Variants in IK observed in about 807,000 individuals in gnomAD.
IK encodes IK cytokine.
IK carries 47 observed loss-of-function variants against 90.9 expected under a neutral mutation model. The ratio of observed to expected loss-of-function variants is 0.52; its 90% CI spans 0.41 to 0.66. The LOEUF (loss-of-function observed/expected upper bound fraction) is 0.66, where lower values mean the gene tolerates loss of function less well. Ranked by LOEUF, IK falls within the 30% of genes least tolerant of loss-of-function variation. The pLI is 0.00. For synonymous variants in IK, 201 were observed against 227.5 expected (o/e 0.88, Z 1.05); for missense variants, 385 against 709.3 (o/e 0.54, Z 5.19).
intron 1 of IK, 127 bp from the exon 2 acceptor site, chr5:140,648,344 T>C (rs1240913973): frequency 1.2e-5 from 10 of 860,244 alleles, no homozygotes; most frequent in South Asian, 4.0e-5. Flanking sequence ...TCAGCACTTA[T>C]TACATTGTGT....
Position 140,658,936 on chromosome 5 carries a change from C to T in IK, c.951-3C>T, listed in dbSNP as rs767474353. On this transcript the variant is annotated splice_polypyrimidine_tract_variant and splice_region_variant and intron_variant, in intron 11 of 19. Coordinates refer to ENST00000417647, the MANE Select transcript of IK (RefSeq NM_006083.4). ...GGCCAGCTAGTGATCTCCATTTTCCCAGTATTTTTGAAGACATTGGGGATT... is the reference window on the plus strand; with the variant it reads ...GGCCAGCTAGTGATCTCCATTTTCCTAGTATTTTTGAAGACATTGGGGATT... The T allele has an allele frequency of 6.2e-7, 1 of 1,613,720 alleles. No individual in the cohort carries two copies. The highest frequency in any genetic ancestry group is 8.5e-7 in the Non-Finnish European group (1 of 1,179,768).
chr5:140,656,122 G>A (rs1757705120), intron 9 of IK, 130 bp downstream of exon 9: 1 of 771,632 alleles, frequency 1.3e-6, no homozygotes, highest in African/African-American at 1.8e-5. Flanking sequence ...AATCTCAACT[G>A]AATCCATTCA....
intron 2 of IK, 109 bp from the exon 3 acceptor site, chr5:140,651,605 T>C: frequency 1.5e-6 from 1 of 646,038 alleles, no homozygotes; most frequent in Non-Finnish European, 2.7e-6. Context: ...CATATCTTTG[T>C]TTTAATTTGT....
Position 140,655,993 on chromosome 5 carries a change from G to A in IK, c.801+1G>A. ...CAAGGCTGATTGCCCCACCATGGAG[G>A]TGAGTGAATGGAATCCTGAGAGCCT... On this transcript the variant is annotated splice_donor_variant, in intron 9 of 19. Coordinates refer to ENST00000417647, the MANE Select transcript of IK (RefSeq NM_006083.4). LOFTEE classifies it high-confidence loss of function. The A allele has an allele frequency of 1.3e-6, 2 of 1,551,886 alleles. No individual in the cohort carries two copies. The highest frequency in any genetic ancestry group is 1.7e-6 in the Non-Finnish European group (2 of 1,147,064).
chr5:140,651,625 A>G, intron 2 of IK, 89 bp from the exon 3 acceptor site: 3 of 697,588 alleles, frequency 4.3e-6, no homozygotes, highest in South Asian at 3.5e-5. Flanking sequence ...TATTTCCCTG[A>G]TTTCTGTTAA....
At chr5:140,651,567 C>T (rs1159173472) in intron 2 of IK, 147 bp from the exon 3 acceptor site, 5 of 547,996 alleles carry the variant, frequency 9.1e-6, no homozygotes, top group Admixed American at 3.3e-5. Context: ...GACAGTGAGA[C>T]TCCGTCTCAA....
chr5:140,648,699 A>G (rs1467272174), intron 2 of IK, among the ~76,000 whole-genome samples, 162 bp downstream of exon 2: 2 of 151,934 alleles, frequency 1.3e-5, no homozygotes, highest in African/African-American at 4.8e-5. Context: ...GGCCAAGTGC[A>G]TAAGGGTATT....
At chr5:140,651,570 C>T (rs1041953675) in intron 2 of IK, 144 bp from the exon 3 acceptor site, 14 of 557,928 alleles carry the variant, frequency 2.5e-5, no homozygotes, top group East Asian at 6.4e-5. Flanking sequence ...AGTGAGACTC[C>T]GTCTCAAAAA....
intron 2 of IK, chr5:140,648,741 G>GTTT: frequency 1.2e-3 from 559 of 464,974 alleles, no homozygotes; most frequent in South Asian, 1.9e-3. Context: ...AAGGTGTTAA[G>GTTT]TTTTTTTTTT....
rs1757758517 is a variant in IK at position 140,659,065 on chromosome 5, G to A, written c.1077G>A (p.Glu359=). The A allele has an allele frequency of 6.2e-7, 1 of 1,611,828 alleles. No individual in the cohort carries two copies. The highest frequency in any genetic ancestry group is 1.1e-5 in the South Asian group (1 of 91,044). ...ERDRDRDRER[E]RERDRERERE... ...ACAGAGACCGTGACCGAGAGCGAGA[G>A]CGAGAACGAGATCGGGAACGAGAGC... The change falls in exon 12 of 20, where the codon GAG becomes GAA. Residue 359 remains glutamate, a synonymous_variant. Coordinates refer to ENST00000417647, the MANE Select transcript of IK (RefSeq NM_006083.4).
At position 140,652,969 on chromosome 5, in the gene IK, G is replaced by T. The variant is rs1194134077; in HGVS notation, c.237-8G>T. 6.2e-7 allele frequency: 1 copy of T among 1,612,532 alleles called. No individual in the cohort carries two copies. The highest frequency in any genetic ancestry group is 8.5e-7 in the Non-Finnish European group (1 of 1,179,688). ...GAGCCTTATACATTTGCCTTTCTCT[G>T]GTCACAGTTATTATGCCAAGCTACG... On this transcript the variant is annotated splice_polypyrimidine_tract_variant and splice_region_variant and intron_variant, in intron 4 of 19. Coordinates refer to ENST00000417647, the MANE Select transcript of IK (RefSeq NM_006083.4).
At position 140,662,309 on chromosome 5, in the gene IK, G is replaced by T; in HGVS notation, c.1654G>T (p.Val552Phe). 6.2e-7 allele frequency: 1 copy of T among 1,614,024 alleles called. No homozygotes were observed. Among genetic ancestry groups the T allele is most frequent in the East Asian group, 2.2e-5 (1 of 44,886 alleles). ...RKKMEADGVEVKRPKY is the reference protein window; with the variant it reads ...RKKMEADGVEFKRPKY ...TTTCTCCTTCCATTGCAGGGTTGAA[G>T]TCAAAAGACCAAAATACTAATCACT... Residue 552 changes from valine to phenylalanine, a missense_variant, in exon 20 of 20, where the codon GTC becomes TTC. This residue lies in a region of IK where 29 missense variants were observed against 41.8 expected (regional missense o/e 0.69). Coordinates refer to ENST00000417647, the MANE Select transcript of IK (RefSeq NM_006083.4).
chr5:140,654,617 T>A (rs138578964), intron 7 of IK, 31 bp downstream of exon 7: 7 of 1,585,138 alleles, frequency 4.4e-6, no homozygotes, highest in Non-Finnish European at 6.0e-6. Flanking sequence ...GGTTGAGAAT[T>A]TAGAAAGGTG....
At chr5:140,654,862 T>A in intron 8 of IK, 135 bp downstream of exon 8, 3 of 685,538 alleles carry the variant, frequency 4.4e-6, no homozygotes, top group Non-Finnish European at 7.5e-6. Flanking sequence ...GTGTCTCACT[T>A]AATCGCCCAG....
intron 8 of IK, 61 bp downstream of exon 8, chr5:140,654,788 C>G: frequency 9.1e-7 from 1 of 1,103,456 alleles, no homozygotes; most frequent in Non-Finnish European, 1.3e-6. Context: ...GAATTTAATG[C>G]TCTGGGAAGG....
intron 9 of IK, among the ~76,000 whole-genome samples, chr5:140,657,077 C>T (rs938182698): frequency 3.9e-5 from 6 of 152,122 alleles, no homozygotes; most frequent in Non-Finnish European, 8.8e-5. Flanking sequence ...GCGGCATGTG[C>T]CCGTAATCCC....
At position 140,661,814 on chromosome 5, in the gene IK, T is replaced by C. The variant is rs1757805838; in HGVS notation, c.1503-85T>C. ...GTGGTCTGGCTGAGATGTTCCCCAC[T>C]AAGTTCTTTGCCCACAGGACTCTGG... On this transcript the variant is annotated intron_variant, in intron 17 of 19. Transcript: ENST00000417647. This position sits in a 1 kb window ranked among gnomAD's most constrained non-coding sequence, Gnocchi z 4.2. 5 of 1,424,850 alleles carry C rather than the reference T, an allele frequency of 3.5e-6. No individual in the cohort carries two copies. In the African/African-American group the frequency reaches 5.7e-5, roughly 16 times the overall value. The allele number at this position is 1,424,850 out of a possible 1,614,324, so 88.3% of individuals were successfully genotyped here. A position where few individuals can be genotyped will look rare whatever the true frequency, so the allele number is the denominator to read the frequency against.
intron 6 of IK, 35 bp downstream of exon 6, chr5:140,654,087 TCGTGCTG>T: frequency 8.5e-7 from 1 of 1,181,846 alleles, no homozygotes; most frequent in Non-Finnish European, 1.3e-6. Flanking sequence ...AGTAATACTG[TCGTGCTG>T]AATGCTCTTG....
chr5:140,660,289 C>CTTTTTTTTTTTTTTTT (rs1387044855), intron 15 of IK, 94 bp downstream of exon 15: 2 of 282,852 alleles, frequency 7.1e-6, no homozygotes, highest in African/African-American at 6.2e-5. Flanking sequence ...CCCAGGGCTA[C>CTTTTTTTTTTTTTTTT]TTCTTTTTTT....
Sources: allele counts gnomAD v4.1 joint callset (sites outside exome capture counted in the v4.1 genomes callset), GRCh38; gene constraint gnomAD v4.1.1; regional missense constraint gnomAD v4.1.1; non-coding constraint Gnocchi (gnomAD v3.1); transcripts MANE v1.5; gene names NCBI Gene and HGNC (gene_info 2026-07-23, HGNC 2026-07-21).